The following MAD1L1 variants were observed in gnomAD, a reference collection of about 807,000 sequenced individuals.
The protein encoded by MAD1L1 is mitotic arrest deficient 1 like 1.
MAD1L1 carries 95 observed loss-of-function variants against 96.9 expected under a neutral mutation model. The observed-to-expected ratio is 0.98, with a 90% CI of 0.83 to 1.16. MAD1L1 has a LOEUF of 1.16. Ranked by LOEUF, MAD1L1 falls within the 50% of genes most tolerant of loss-of-function variation. MAD1L1 has a pLI of 0.00. For missense variants in MAD1L1, 1,007 were observed against 954.4 expected, an observed-to-expected ratio of 1.06 and a Z score of -0.73; for synonymous variants, 473 against 396.6, an observed-to-expected ratio of 1.19 and a Z score of -2.29.
At chr7:2,178,701 A>G (rs1791052327) in intron 10 of MAD1L1, among the ~76,000 whole-genome samples, 1 of 152,170 alleles carries the variant, frequency 6.6e-6, no homozygotes, top group South Asian at 2.1e-4. Context: ...GTTCGAGACA[A>G]GCCTGGCCAA....
At chr7:1,834,524 A>G (rs1782853428) in intron 18 of MAD1L1, among the ~76,000 whole-genome samples, 1 of 152,212 alleles carries the variant, frequency 6.6e-6, no homozygotes, top group South Asian at 2.1e-4. Flanking sequence ...CTTTGAAAAC[A>G]GATAAAATGG....
At chr7:2,038,739 CCTG>C (rs59096822) in intron 12 of MAD1L1, among the ~76,000 whole-genome samples, 53,618 of 151,312 alleles carry the variant, frequency 0.35, 10,496 homozygotes, top group African/African-American at 0.52. Flanking sequence ...GTCTCGAACT[CCTG>C]CTGACCTCAA....
rs1203822093 is a variant in MAD1L1 at position 2,222,611 on chromosome 7, C to T, written c.435G>A (p.Leu145=). 2 of 1,612,098 alleles carry T rather than the reference C, an allele frequency of 1.2e-6. No individual in the cohort carries two copies. Among genetic ancestry groups the T allele is most frequent in the Non-Finnish European group, 1.7e-6 (2 of 1,179,406 alleles). The stretch of plus-strand genomic sequence containing the variant: ...GGGCCAGACTGTCCTCTTTCTCACG[C>T]AGCCTCTTGCTGGCAGCATCCAAGT... ...QQNLDAASKR[L]REKEDSLAQA... is the part of the protein sequence containing the mutation. The change falls in exon 5 of 19, where the codon CTG becomes CTA. Residue 145 remains leucine, a synonymous_variant. Transcript: ENST00000265854.
intron 10 of MAD1L1, among the ~76,000 whole-genome samples, chr7:2,191,637 G>A (rs1225803903): frequency 6.6e-6 from 1 of 152,026 alleles, no homozygotes. Flanking sequence ...AGGCTCAGGT[G>A]GGAGAATGGC....
chr7:1,977,477 C>G (rs898929409), intron 15 of MAD1L1, among the ~76,000 whole-genome samples: 1 of 152,200 alleles, frequency 6.6e-6, no homozygotes, highest in African/African-American at 2.4e-5. Flanking sequence ...GCACGCAACC[C>G]CAGTTCCTGC....
chr7:2,065,720 G>A (rs982097315), intron 12 of MAD1L1, among the ~76,000 whole-genome samples: 4 of 152,314 alleles, frequency 2.6e-5, no homozygotes, highest in South Asian at 2.1e-4. Context: ...CAGCAGCCAC[G>A]ACGTGAGTCC....
chr7:1,918,001 G>A (rs1009489184), intron 17 of MAD1L1, among the ~76,000 whole-genome samples: 1 of 152,144 alleles, frequency 6.6e-6, no homozygotes, highest in Admixed American at 6.5e-5. Flanking sequence ...CTGGGGAGGG[G>A]CCCAGGCAGC....
chr7:2,195,654 G>A (rs1316985434), intron 10 of MAD1L1, among the ~76,000 whole-genome samples: 1 of 152,218 alleles, frequency 6.6e-6, no homozygotes, highest in Non-Finnish European at 1.5e-5. Context: ...TTCTAACTCA[G>A]CCACCTCCGC....
chr7:1,959,352 T>C (rs751357296), intron 15 of MAD1L1, among the ~76,000 whole-genome samples: 41 of 152,154 alleles, frequency 2.7e-4, no homozygotes, highest in Non-Finnish European at 2.9e-5. Context: ...ATAAAATTCA[T>C]GAACGAGAGT....
At position 1,980,578 on chromosome 7, in the gene MAD1L1, G is replaced by A. The variant is rs371811878; in HGVS notation, c.1417-37C>T. On this transcript the variant is annotated intron_variant, in intron 14 of 18. Transcript: ENST00000265854. ...CAAAGGATAGAGGGTCAGCAGACAC[G>A]AGCGCACCCAGGTGTGTGGGGAACC... 184 of 1,541,364 alleles carry A rather than the reference G, an allele frequency of 1.2e-4. 2 individuals are homozygous for A. Among genetic ancestry groups the A allele is most frequent in the South Asian group, 7.2e-4 (62 of 86,366 alleles).
chr7:1,965,146 G>A (rs538584948), intron 15 of MAD1L1, among the ~76,000 whole-genome samples: 1 of 152,304 alleles, frequency 6.6e-6, no homozygotes, highest in South Asian at 2.1e-4. Flanking sequence ...CTTGAACAAC[G>A]GGTGTGGGAA....
rs531938254 is a variant in MAD1L1 at position 1,922,389 on chromosome 7, G to A, written c.1807+14298C>T. ...CATCTTCAGAAGAGTGAACAGAAACGGCATGTTTTTAATTTCGGTTTCCAC... is the reference window on the plus strand; with the variant it reads ...CATCTTCAGAAGAGTGAACAGAAACAGCATGTTTTTAATTTCGGTTTCCAC... On this transcript the variant is annotated intron_variant, in intron 17 of 18. Transcript: ENST00000265854. Among the ~76,000 whole-genome samples, 6 of 152,332 alleles carry A rather than the reference G, an allele frequency of 3.9e-5. No individual in the cohort carries two copies. The South Asian group carries it at 8.3e-4, about 21-fold the overall frequency.
At chr7:2,170,052 C>T (rs1476920420) in intron 10 of MAD1L1, among the ~76,000 whole-genome samples, 2 of 152,202 alleles carry the variant, frequency 1.3e-5, no homozygotes, top group African/African-American at 4.8e-5. Flanking sequence ...CGGACTCGTG[C>T]CCTCAGGTCG....
At chr7:2,094,518 T>C (rs1177185648) in intron 11 of MAD1L1, among the ~76,000 whole-genome samples, 1 of 152,100 alleles carries the variant, frequency 6.6e-6, no homozygotes, top group African/African-American at 2.4e-5. Flanking sequence ...AGTCATGATG[T>C]TTCACAGGTG....
intron 11 of MAD1L1, among the ~76,000 whole-genome samples, chr7:2,085,669 T>C (rs886456803): frequency 1.7e-4 from 26 of 152,214 alleles, no homozygotes; most frequent in African/African-American, 1.2e-4. Context: ...CCATCTCTTA[T>C]GGCTCAATAA....
chr7:2,086,214 G>C (rs1357331465), intron 11 of MAD1L1, among the ~76,000 whole-genome samples: 1 of 152,240 alleles, frequency 6.6e-6, no homozygotes, highest in African/African-American at 2.4e-5. Context: ...GCCTGGTAGG[G>C]AAGAAGCTCA....
chr7:2,174,583 C>T (rs1201553352), intron 10 of MAD1L1, among the ~76,000 whole-genome samples: 1 of 152,074 alleles, frequency 6.6e-6, no homozygotes, highest in Non-Finnish European at 1.5e-5. Context: ...GAGTGTATTC[C>T]GTTTCTCCTG....
intron 13 of MAD1L1, among the ~76,000 whole-genome samples, chr7:2,004,448 AC>A (rs1323801101): frequency 1.5e-4 from 23 of 152,370 alleles, no homozygotes; most frequent in African/African-American, 4.8e-4. Flanking sequence ...ACATCAGTTC[AC>A]ATGGCAACCT....
intron 18 of MAD1L1, among the ~76,000 whole-genome samples, chr7:1,871,899 G>T (rs909580068): frequency 6.6e-5 from 10 of 152,210 alleles, no homozygotes; most frequent in African/African-American, 1.9e-4. Context: ...CCACACTTGG[G>T]GGTGGAGGAG....
Sources: allele counts gnomAD v4.1 joint callset (sites outside exome capture counted in the v4.1 genomes callset), GRCh38; gene constraint gnomAD v4.1.1; transcripts MANE v1.5; gene names NCBI Gene and HGNC (gene_info 2026-07-23, HGNC 2026-07-21).